Variants in LMBRD2 observed in about 807,000 individuals in gnomAD.
LMBRD2 encodes G protein-coupled receptor-associated protein LMBRD2.
In LMBRD2, 55 loss-of-function variants were observed where a neutral mutation model predicts 94.4. The ratio of observed to expected loss-of-function variants is 0.58; its 90% CI spans 0.47 to 0.73. The LOEUF (loss-of-function observed/expected upper bound fraction) is 0.73, where lower values mean the gene tolerates loss of function less well. Among genes scored for constraint, LMBRD2 ranks in the 30% least tolerant of loss-of-function variants. LMBRD2 has a pLI of 0.00. For synonymous variants in LMBRD2, 246 were observed against 272.4 expected, an observed-to-expected ratio of 0.90 and a Z score of 0.95; for missense variants, 640 against 831.9, an observed-to-expected ratio of 0.77 and a Z score of 2.84.
chr5:36,122,270 A>C lies in LMBRD2; in HGVS notation c.1120+10T>G. ...TCATTAAAGTTTGAAATTTATATCA[A>C]ATTACATACCAAATGTAGGATTATA... On this transcript the variant is annotated intron_variant, in intron 9 of 17. Coordinates refer to ENST00000296603, the MANE Select transcript of LMBRD2 (RefSeq NM_001007527.2). The C allele has an allele frequency of 1.9e-6, 3 of 1,550,838 alleles. No individual in the cohort carries two copies. Among genetic ancestry groups the C allele is most frequent in the Non-Finnish European group, 2.6e-6 (3 of 1,149,900 alleles).
chr5:36,136,364 G>A lies in LMBRD2; in HGVS notation c.692C>T (p.Ala231Val), dbSNP rs1744269686. The A allele has an allele frequency of 6.2e-7, 1 of 1,613,844 alleles. No individual in the cohort carries two copies. The highest frequency in any genetic ancestry group is 1.3e-5 in the African/African-American group (1 of 74,876). Reference protein sequence around the residue: ...YLLMKTYFKAAKLMTEKADAE... With the variant: ...YLLMKTYFKAVKLMTEKADAE... Reference sequence around the variant, plus strand: ...ATCTGCTTTCTCTGTCATCAGTTTGGCTGCCTTAAAATACGTTTTCATAAG... The same window carrying A: ...ATCTGCTTTCTCTGTCATCAGTTTGACTGCCTTAAAATACGTTTTCATAAG... Residue 231 changes from alanine (A) to valine (V), a missense_variant, in exon 6 of 18, where the codon GCC becomes GTC. Physicochemically the swap from Ala to Val is moderately conservative, Grantham distance 64. This residue lies in a region of LMBRD2 where 457 missense variants were observed against 642.8 expected (regional missense o/e 0.71). Transcript: ENST00000296603.
At chr5:36,145,670 A>C (rs1297010963) in intron 1 of LMBRD2, among the ~76,000 whole-genome samples, 2 of 152,232 alleles carry the variant, frequency 1.3e-5, no homozygotes, top group Non-Finnish European at 2.9e-5. Flanking sequence ...TAACATAATT[A>C]ACTGAAAATC....
rs772698978 is a variant in LMBRD2, at chr5:36,115,006, C to T, written c.1542+9G>A. 1.7e-5 allele frequency: 26 copies of T among 1,514,564 alleles called. No individual in the cohort carries two copies. The highest frequency in any genetic ancestry group is 1.7e-4 in the Middle Eastern group (1 of 5,912). The allele number at this position is 1,514,564 out of a possible 1,614,324, so 93.8% of individuals were successfully genotyped here. On this transcript the variant is annotated intron_variant, in intron 12 of 17. Transcript: ENST00000296603. ...AACCTAAGGAATTCTATTTTCTGAC[C>T]GTACTTACAGATGTATAAGCAGTTG...
At chr5:36,132,356 A>T (rs1744174455) in intron 6 of LMBRD2, among the ~76,000 whole-genome samples, 1 of 151,972 alleles carries the variant, frequency 6.6e-6, no homozygotes, top group Non-Finnish European at 1.5e-5. Flanking sequence ...TATGAAACTA[A>T]TACAAGAAAG....
rs1215299023 is a variant in LMBRD2 at position 36,105,151 on chromosome 5, C to G, written c.1944G>C (p.Arg648=). 6.2e-7 allele frequency: 1 copy of G among 1,612,764 alleles called. No homozygotes were observed. The highest frequency in any genetic ancestry group is 8.5e-7 in the Non-Finnish European group (1 of 1,179,076). Residue 648 remains arginine, a synonymous_variant, in exon 17 of 18, where the codon CGG becomes CGC. Coordinates refer to ENST00000296603, the MANE Select transcript of LMBRD2 (RefSeq NM_001007527.2). ...TRANNRTERD[R]IELLQDAEPL... is the part of the protein sequence containing the mutation. ...GTTCTGCATCTTGGAGAAGTTCTAT[C>G]CGGTCCCTTTCAGTCCTGTTATTAG...
At chr5:36,119,971 C>T (rs923733752) in intron 9 of LMBRD2, among the ~76,000 whole-genome samples, 1 of 152,106 alleles carries the variant, frequency 6.6e-6, no homozygotes, top group African/African-American at 2.4e-5. Context: ...ATTGTCTTAT[C>T]AAATTCTATG....
rs1743555887 is a variant in LMBRD2 at position 36,109,623 on chromosome 5, T to G, written c.1791+322A>C. On this transcript the variant is annotated intron_variant, in intron 15 of 17. Coordinates refer to ENST00000296603, the MANE Select transcript of LMBRD2 (RefSeq NM_001007527.2). Reference sequence around the variant, plus strand: ...AAAAAGAGAAACAATTTTAAAGCAATCAAAACCACTTTAATAGCAAGAATA... The same window carrying G: ...AAAAAGAGAAACAATTTTAAAGCAAGCAAAACCACTTTAATAGCAAGAATA... Among the ~76,000 whole-genome samples the G allele has an allele frequency of 2.0e-5, 3 of 152,082 alleles. No individual in the cohort carries two copies. The South Asian group carries it at 6.2e-4, about 32-fold the overall frequency.
chr5:36,110,209 A>C (rs1743571935), intron 14 of LMBRD2, among the ~76,000 whole-genome samples: 1 of 152,070 alleles, frequency 6.6e-6, no homozygotes, highest in African/African-American at 2.4e-5. Context: ...TCTCCGCTTA[A>C]ATAACTTTAG....
At chr5:36,110,594 C>T (rs1743580839) in intron 14 of LMBRD2, among the ~76,000 whole-genome samples, 1 of 151,912 alleles carries the variant, frequency 6.6e-6, no homozygotes, top group South Asian at 2.1e-4. Flanking sequence ...CACAAAAGCC[C>T]CAGACTCAAG....
In LMBRD2 at chr5:36,102,115, T is replaced by C. The variant is rs1000391348; in HGVS notation, c.*1931A>G. On this transcript the variant is annotated 3_prime_UTR_variant, in exon 18 of 18. Coordinates refer to ENST00000296603, the MANE Select transcript of LMBRD2 (RefSeq NM_001007527.2). ...AGTCCAAAAGCGTTTTTGCTTTAAG[T>C]ACTTGTAAACTTTTCTGTAATAATA... 6.6e-6 allele frequency: 1 copy of C among 152,068 alleles called. No individual in the cohort carries two copies. The highest frequency in any genetic ancestry group is 6.6e-5 in the Admixed American group (1 of 15,258). 9.4% of individuals were successfully genotyped at this position (152,068 alleles called of 1,614,324 possible).
chr5:36,104,951 TTTAC>T lies in LMBRD2; in HGVS notation c.2027+113_2027+116del, dbSNP rs943020676. The T allele has an allele frequency of 1.8e-5, 17 of 966,232 alleles. No homozygotes were observed. The African/African-American group carries it at 1.8e-4, about 10-fold the overall frequency. 59.9% of individuals were successfully genotyped at this position (966,232 alleles called of 1,614,324 possible). A position where few individuals can be genotyped will look rare whatever the true frequency, so the allele number is the denominator to read the frequency against. On this transcript the variant is annotated intron_variant, in intron 17 of 17. Coordinates refer to ENST00000296603, the MANE Select transcript of LMBRD2 (RefSeq NM_001007527.2). ...TTGTTAGTGAAAATGAACATTTTCCTTTACTTATCACTTGTTTACTTTCACCTTT... is the reference window on the plus strand; with the variant it reads ...TTGTTAGTGAAAATGAACATTTTCCTTTATCACTTGTTTACTTTCACCTTT...
chr5:36,107,363 T>G (rs183991466), intron 16 of LMBRD2, among the ~76,000 whole-genome samples: 1 of 151,590 alleles, frequency 6.6e-6, no homozygotes, highest in East Asian at 1.9e-4. Flanking sequence ...ATGTTCACTA[T>G]TTTATGTTTT....
intron 6 of LMBRD2, among the ~76,000 whole-genome samples, chr5:36,124,833 G>A (rs936305189): frequency 6.6e-6 from 1 of 152,090 alleles, no homozygotes; most frequent in African/African-American, 2.4e-5. Context: ...TGGATCACTT[G>A]AGTCCCAGAG....
intron 10 of LMBRD2, among the ~76,000 whole-genome samples, chr5:36,117,368 C>T (rs1282385904): frequency 1.3e-5 from 2 of 151,998 alleles, no homozygotes; most frequent in Admixed American, 6.6e-5. Flanking sequence ...GGCCCAGCTA[C>T]TTGGGAGGCT....
chr5:36,147,963 C>T, intron 1 of LMBRD2: 1 of 303,458 alleles, frequency 3.3e-6, no homozygotes, highest in South Asian at 2.6e-5. Flanking sequence ...TCTGATGAAT[C>T]ATTAGGTTCC....
rs780088777 is a variant in LMBRD2 at position 36,116,611 on chromosome 5, CA to C, written c.1303-19del. 2 of 1,608,062 alleles carry C rather than the reference CA, an allele frequency of 1.2e-6. No individual in the cohort carries two copies. Among genetic ancestry groups the C allele is most frequent in the Non-Finnish European group, 1.7e-6 (2 of 1,178,042 alleles). On this transcript the variant is annotated intron_variant, in intron 10 of 17. Transcript: ENST00000296603. ...CAGGCAATCTGGAAAAAAACAAAAA[CA>C]AAGCAGTTTGTTTAAAACAAACAGA...
At chr5:36,129,838 A>G (rs1458980297) in intron 6 of LMBRD2, among the ~76,000 whole-genome samples, 1 of 152,244 alleles carries the variant, frequency 6.6e-6, no homozygotes, top group Non-Finnish European at 1.5e-5. Flanking sequence ...CATATACACC[A>G]TGGAATACTA....
At position 36,142,574 on chromosome 5, in the gene LMBRD2, G is replaced by A; in HGVS notation, c.200C>T (p.Ala67Val). 2 of 1,609,548 alleles carry A rather than the reference G, an allele frequency of 1.2e-6. No homozygotes were observed. Among genetic ancestry groups the A allele is most frequent in the Non-Finnish European group, 1.7e-6 (2 of 1,175,884 alleles). ...STTIYNRCKH[A>V]AANSSPPENS... ...CTCAGGAGGGCTTGAATTTGCAGCAGCATGCTTGCACCGGTTGTATATTGT... is the reference window on the plus strand; with the variant it reads ...CTCAGGAGGGCTTGAATTTGCAGCAACATGCTTGCACCGGTTGTATATTGT... The change falls in exon 3 of 18, where the codon GCT becomes GTT. Residue 67 changes from alanine to valine, a missense_variant. Coordinates refer to ENST00000296603, the MANE Select transcript of LMBRD2 (RefSeq NM_001007527.2).
intron 4 of LMBRD2, 98 bp from the exon 5 acceptor site, chr5:36,137,539 T>A: frequency 3.0e-6 from 2 of 659,802 alleles, no homozygotes; most frequent in Non-Finnish European, 2.5e-6. Flanking sequence ...TTTTAATGAA[T>A]AGGTCTTCTC....
Sources: gnomAD v4.1 joint callset for allele counts (sites outside exome capture counted in the v4.1 genomes callset) on GRCh38, gnomAD v4.1.1 for gene constraint, gnomAD v4.1.1 regional missense constraint, MANE v1.5 for transcripts, NCBI Gene and HGNC (gene_info 2026-07-23, HGNC 2026-07-21) for gene names.